SLC15A1: variants seen among roughly 807,000 people sequenced by gnomAD.
SLC15A1 encodes solute carrier family 15 member 1.
In SLC15A1, 83 loss-of-function variants were observed where a neutral mutation model predicts 92.9. That is an observed-to-expected ratio of 0.89 (90% CI 0.75 to 1.07). SLC15A1 has a LOEUF of 1.07. Ranked by LOEUF, SLC15A1 falls within the 50% of genes least tolerant of loss-of-function variation. The pLI is 0.00. For synonymous variants in SLC15A1, 322 were observed against 318.2 expected (o/e 1.01, Z -0.13); for missense variants, 857 against 880.1 (o/e 0.97, Z 0.33).
chr13:98,751,587 C>G (rs527956298), intron 1 of SLC15A1, among the ~76,000 whole-genome samples: 5 of 152,342 alleles, frequency 3.3e-5, no homozygotes, highest in African/African-American at 1.2e-4. Flanking sequence ...AGTTGCAGGT[C>G]TTTCTGGAAC....
intron 18 of SLC15A1, among the ~76,000 whole-genome samples, chr13:98,700,801 G>A (rs770741553): frequency 1.6e-4 from 25 of 152,130 alleles, no homozygotes; most frequent in Non-Finnish European, 3.2e-4. Context: ...AACACTGATT[G>A]TTGAAAATAC....
chr13:98,703,955 T>C (rs1457063045), intron 17 of SLC15A1, among the ~76,000 whole-genome samples: 1 of 152,204 alleles, frequency 6.6e-6, no homozygotes, highest in Non-Finnish European at 1.5e-5. Context: ...AATTATATAT[T>C]TTAAATTATC....
chr13:98,733,610 G>T (rs1199125690), intron 1 of SLC15A1, among the ~76,000 whole-genome samples: 1 of 152,338 alleles, frequency 6.6e-6, no homozygotes, highest in African/African-American at 2.4e-5. Context: ...ACACAGCTTG[G>T]CCTTGCTAAT....
chr13:98,734,297 G>A (rs2088372929), intron 1 of SLC15A1, among the ~76,000 whole-genome samples: 1 of 152,252 alleles, frequency 6.6e-6, no homozygotes, highest in South Asian at 2.1e-4. Context: ...ATGTATCATC[G>A]ATATAGCTCC....
intron 21 of SLC15A1, 133 bp downstream of exon 21, chr13:98,687,448 T>A: frequency 1.9e-6 from 2 of 1,047,120 alleles, no homozygotes; most frequent in Non-Finnish European, 2.8e-6. Context: ...GAGACCTTGC[T>A]GTAGGGAAGA....
At chr13:98,751,266 C>T (rs1210837118) in intron 1 of SLC15A1, among the ~76,000 whole-genome samples, 1 of 152,150 alleles carries the variant, frequency 6.6e-6, no homozygotes, top group African/African-American at 2.4e-5. Context: ...CAGACTAGAA[C>T]GCATCAATTC....
At position 98,702,989 on chromosome 13, in the gene SLC15A1, A is replaced by AAAAG. The variant is rs1555322595; in HGVS notation, c.1417-461_1417-460insCTTT. Reference sequence around the variant, plus strand: ...TCTCAAAAAAAAAAAAAAAAAAAAAAAAAAGAAAAGAAAAAGAGGGTTTCT... The same window carrying AAAAG: ...TCTCAAAAAAAAAAAAAAAAAAAAAAAAAGAAAAGAAAAGAAAAAGAGGGTTTCT... On this transcript the variant is annotated intron_variant, in intron 17 of 22. Coordinates refer to ENST00000376503, the MANE Select transcript of SLC15A1 (RefSeq NM_005073.4). Among the ~76,000 whole-genome samples, 577 of 143,378 alleles carry AAAAG rather than the reference A, an allele frequency of 4.0e-3. 1 individual carries two copies. Among genetic ancestry groups the AAAAG allele is most frequent in the East Asian group, 0.025 (117 of 4,706 alleles). 94.1% of individuals were successfully genotyped at this position (143,378 alleles called of 152,430 possible).
chr13:98,721,665 C>T, intron 6 of SLC15A1, 80 bp from the exon 7 acceptor site: 2 of 1,259,744 alleles, frequency 1.6e-6, no homozygotes, highest in Non-Finnish European at 2.2e-6. Flanking sequence ...CATTTTACTA[C>T]TAACTTAGTT....
At chr13:98,746,627 T>C (rs1264825593) in intron 1 of SLC15A1, among the ~76,000 whole-genome samples, 1 of 152,248 alleles carries the variant, frequency 6.6e-6, no homozygotes, top group Non-Finnish European at 1.5e-5. Flanking sequence ...TAGGGGCAGA[T>C]TGTAGAAGTT....
At chr13:98,708,635 T>C (rs759188399) in intron 15 of SLC15A1, 51 bp downstream of exon 15, 16 of 1,483,900 alleles carry the variant, frequency 1.1e-5, no homozygotes, top group Non-Finnish European at 1.0e-5. Context: ...TTCTGAACGC[T>C]CCACCTAAAT....
intron 4 of SLC15A1, 108 bp downstream of exon 4, chr13:98,726,015 A>G (rs2088295373): frequency 7.1e-7 from 1 of 1,407,102 alleles, no homozygotes; most frequent in Admixed American, 2.1e-5. Context: ...GCCTCTCCTA[A>G]GAGTTTCTGT....
At chr13:98,699,003 C>T (rs1403430735) in intron 18 of SLC15A1, among the ~76,000 whole-genome samples, 1 of 152,004 alleles carries the variant, frequency 6.6e-6, no homozygotes, top group Admixed American at 6.6e-5. Flanking sequence ...TTGGGGTGCA[C>T]AGTGCTATAT....
At chr13:98,692,593 G>A (rs9584906) in intron 18 of SLC15A1, among the ~76,000 whole-genome samples, 3 of 152,064 alleles carry the variant, frequency 2.0e-5, no homozygotes, top group African/African-American at 4.8e-5. Context: ...CTCAACACCC[G>A]TAATTTTGGT....
intron 17 of SLC15A1, among the ~76,000 whole-genome samples, chr13:98,703,539 C>CTTTTTTTTTTTTTTTTTTTTTTTTTTTTT (rs771426478): frequency 1.2e-5 from 1 of 85,540 alleles, no homozygotes; most frequent in Non-Finnish European, 2.0e-5. Context: ...GCTGCTGCTG[C>CTTTTTTTTTTTTTTTTTTTTTTTTTTTTT]TTTTTTTTTT....
intron 18 of SLC15A1, among the ~76,000 whole-genome samples, chr13:98,691,631 T>G (rs1253065484): frequency 1.3e-5 from 2 of 152,198 alleles, no homozygotes; most frequent in Admixed American, 6.5e-5. Flanking sequence ...GATATCTGAT[T>G]AATACGTAGC....
At position 98,715,932 on chromosome 13, in the gene SLC15A1, G is replaced by A; in HGVS notation, c.669C>T (p.Tyr223=). The A allele has an allele frequency of 1.9e-6, 3 of 1,614,090 alleles. No homozygotes were observed. The highest frequency in any genetic ancestry group is 2.5e-6 in the Non-Finnish European group (3 of 1,180,020). ...LIVFVLGSGM[Y]KKFKPQGNIM... ...TGTTGCCCTGTGGCTTGAACTTCTT[G>A]TACATCCCACTGCCAAGGACAAACA... Residue 223 remains tyrosine (Y), a synonymous_variant, in exon 9 of 23, where the codon TAC becomes TAT. Coordinates refer to ENST00000376503, the MANE Select transcript of SLC15A1 (RefSeq NM_005073.4).
intron 1 of SLC15A1, among the ~76,000 whole-genome samples, chr13:98,728,652 C>G (rs2088321486): frequency 6.6e-6 from 1 of 152,068 alleles, no homozygotes; most frequent in African/African-American, 2.4e-5. Context: ...GGTAGCACAA[C>G]ACGGTGACTA....
At chr13:98,724,372 T>C (rs1465213623) in intron 4 of SLC15A1, among the ~76,000 whole-genome samples, 2 of 152,138 alleles carry the variant, frequency 1.3e-5, no homozygotes, top group East Asian at 3.9e-4. Context: ...GGTGTGGTGG[T>C]GCATGCCTGT....
At chr13:98,697,547 CAA>C (rs2088033038) in intron 18 of SLC15A1, among the ~76,000 whole-genome samples, 1 of 149,566 alleles carries the variant, frequency 6.7e-6, no homozygotes, top group African/African-American at 2.5e-5. Flanking sequence ...TTGGCAACAC[CAA>C]AGAGAAAGAA....
Sources: gnomAD v4.1 joint callset for allele counts (sites outside exome capture counted in the v4.1 genomes callset) on GRCh38, gnomAD v4.1.1 for gene constraint, MANE v1.5 for transcripts, NCBI Gene and HGNC (gene_info 2026-07-23, HGNC 2026-07-21) for gene names.